NXPE2: variants seen among roughly 807,000 people sequenced by gnomAD.
NXPE2 encodes the protein NXPE family member 2.
Under a neutral mutation model 34.4 loss-of-function variants are expected in NXPE2, and 34 were observed. The observed-to-expected ratio is 0.99, with a 90% CI of 0.75 to 1.31. NXPE2 has a LOEUF of 1.31. Among genes scored for constraint, NXPE2 ranks in the 40% most tolerant of loss-of-function variants. The pLI, the probability that NXPE2 is intolerant of heterozygous loss-of-function variation, is 0.00. For missense variants in NXPE2, 649 were observed against 672.5 expected (o/e 0.97, Z 0.39); for synonymous variants, 235 against 231.3 (o/e 1.02, Z -0.15).
the NXPE2 span, chr11:114,518,139 C>T: frequency 6.6e-6 from 1 of 152,154 alleles, no homozygotes; most frequent in Non-Finnish European, 1.5e-5. Flanking sequence ...ATCTTCACAC[C>T]AGCACTCCTT....
chr11:114,785,392 C>G, the NXPE2 span, among the ~76,000 whole-genome samples: 2 of 152,242 alleles, frequency 1.3e-5, no homozygotes, highest in South Asian at 4.1e-4. Context: ...ATGCTGACAA[C>G]TCAAACTCAA....
the NXPE2 span, among the ~76,000 whole-genome samples, chr11:114,508,696 A>C: frequency 2.0e-5 from 3 of 152,260 alleles, no homozygotes; most frequent in Non-Finnish European, 4.4e-5. Context: ...CCATATGCAG[A>C]AGATTGAAAC....
At chr11:114,670,968 C>T in the NXPE2 span, among the ~76,000 whole-genome samples, 13,043 of 149,706 alleles carry the variant, frequency 0.087, 778 homozygotes, top group Non-Finnish European at 0.13. Flanking sequence ...TAAAGGAAGC[C>T]CTGCTTAAAA....
chr11:114,805,460 C>T, the NXPE2 span, among the ~76,000 whole-genome samples: 1 of 152,296 alleles, frequency 6.6e-6, no homozygotes, highest in Admixed American at 6.5e-5. Context: ...GTGACAGACA[C>T]CACCTGGAAA....
chr11:114,620,522 A>T, the NXPE2 span, among the ~76,000 whole-genome samples: 6 of 142,684 alleles, frequency 4.2e-5, no homozygotes, highest in African/African-American at 1.0e-4. Flanking sequence ...TAACCACTTT[A>T]AGGCGGTAGA....
the NXPE2 span, among the ~76,000 whole-genome samples, chr11:114,810,291 C>T: frequency 6.6e-6 from 1 of 151,114 alleles, no homozygotes; most frequent in Non-Finnish European, 1.5e-5. Context: ...GCAAGGACTT[C>T]ATGTCTAGAA....
At chr11:114,607,425 A>G in the NXPE2 span, among the ~76,000 whole-genome samples, 1 of 147,942 alleles carries the variant, frequency 6.8e-6, no homozygotes, top group Non-Finnish European at 1.5e-5. Flanking sequence ...GATAATATGT[A>G]TTTCCTCGTG....
chr11:114,467,122 C>CT, the NXPE2 span, among the ~76,000 whole-genome samples: 4 of 152,202 alleles, frequency 2.6e-5, no homozygotes, highest in Non-Finnish European at 5.9e-5. Flanking sequence ...ACTGTGCATA[C>CT]TTTATCAGGC....
the NXPE2 span, among the ~76,000 whole-genome samples, chr11:114,506,202 C>T: frequency 6.6e-6 from 1 of 151,470 alleles, no homozygotes; most frequent in Admixed American, 6.6e-5. Flanking sequence ...TACATATACA[C>T]CCAACACAGG....
At chr11:114,558,089 A>C in the NXPE2 span, among the ~76,000 whole-genome samples, 3 of 151,982 alleles carry the variant, frequency 2.0e-5, no homozygotes, top group East Asian at 5.8e-4. Context: ...AACATCCTCT[A>C]GCTTTTCTAG....
At chr11:114,675,977 G>A (rs1469111904), upstream of NXPE2, among the ~76,000 whole-genome samples, 1 of 151,792 alleles carries the variant, frequency 6.6e-6, no homozygotes, top group Non-Finnish European at 1.5e-5. Context: ...TTGGACAAAG[G>A]TGCCAAAAGC....
chr11:114,609,657 G>A, the NXPE2 span, among the ~76,000 whole-genome samples: 21 of 135,352 alleles, frequency 1.6e-4, no homozygotes, highest in African/African-American at 5.5e-4. Context: ...CGTGGGTAAC[G>A]ACTATTACCC....
Position 114,706,632 on chromosome 11 carries a change from T to A in NXPE2, c.1382T>A (p.Ile461Asn). The change falls in exon 6 of 6, where the codon ATT becomes AAT. Residue 461 changes from isoleucine (I) to asparagine (N), a missense_variant. By Grantham distance (149) the Ile-to-Asn change is moderately radical. Transcript: ENST00000389586. ...GQHFRPFPIN[I>N]FIRRAINIQK... ...CACTTCAGACCCTTTCCCATCAACA[T>A]TTTCATCCGTAGGGCCATCAATATT... 1 of 1,551,888 alleles carries A rather than the reference T, an allele frequency of 6.4e-7. No individual in the cohort carries two copies. The highest frequency in any genetic ancestry group is 8.7e-7 in the Non-Finnish European group (1 of 1,147,006).
At chr11:114,804,960 G>GAGA in the NXPE2 span, among the ~76,000 whole-genome samples, 323 of 152,254 alleles carry the variant, frequency 2.1e-3, 5 homozygotes, top group Admixed American at 0.019. Context: ...TTTCCCTTAT[G>GAGA]AAACTCCCAG....
chr11:114,795,615 C>A, the NXPE2 span, among the ~76,000 whole-genome samples: 1 of 152,176 alleles, frequency 6.6e-6, no homozygotes, highest in African/African-American at 2.4e-5. Flanking sequence ...CTCCACCCTG[C>A]CAGGACATGA....
chr11:114,528,985 C>G, the NXPE2 span: 9 of 427,766 alleles, frequency 2.1e-5, no homozygotes, highest in Non-Finnish European at 3.8e-5. Flanking sequence ...CAGAAGGGAG[C>G]CAGGGACTAT....
the NXPE2 span, chr11:114,512,988 C>T: frequency 1.9e-5 from 7 of 359,348 alleles, no homozygotes; most frequent in Non-Finnish European, 3.9e-5. Context: ...TCCAGAGAGT[C>T]AATGCTCCTT....
chr11:114,713,538 C>A, the NXPE2 span, among the ~76,000 whole-genome samples: 130 of 152,236 alleles, frequency 8.5e-4, 1 homozygote, highest in Middle Eastern at 3.4e-3. Flanking sequence ...CCTCTGTATA[C>A]ATGGGTTTAA....
chr11:114,633,948 C>T, the NXPE2 span, among the ~76,000 whole-genome samples: 1 of 152,090 alleles, frequency 6.6e-6, no homozygotes, highest in East Asian at 1.9e-4. Flanking sequence ...TTTATAGCAG[C>T]ATGATTTATA....
Sources: allele counts gnomAD v4.1 joint callset (sites outside exome capture counted in the v4.1 genomes callset), GRCh38; gene constraint gnomAD v4.1.1; transcripts MANE v1.5; gene names NCBI Gene and HGNC (gene_info 2026-07-23, HGNC 2026-07-21).